OR2L13: variants seen among roughly 807,000 people sequenced by gnomAD.
OR2L13 encodes the protein olfactory receptor 2L13.
OR2L13 carries 14 observed loss-of-function variants against 15.3 expected under a neutral mutation model. The observed-to-expected ratio is 0.91, with a 90% CI of 0.60 to 1.43. The LOEUF (loss-of-function observed/expected upper bound fraction) is 1.43, where lower values mean the gene tolerates loss of function less well. Ranked by LOEUF, OR2L13 falls within the 40% of genes most tolerant of loss-of-function variation. The pLI is 0.00. For synonymous variants in OR2L13, 152 were observed against 142.9 expected (o/e 1.06, Z -0.45); for missense variants, 367 against 387.9 (o/e 0.95, Z 0.45).
the OR2L13 span, among the ~76,000 whole-genome samples, chr1:248,082,507 AG>A: frequency 7.6e-4 from 116 of 152,222 alleles, no homozygotes; most frequent in African/African-American, 2.7e-3. Flanking sequence ...ATAAAAAAAA[AG>A]AAAAAAACAT....
chr1:248,100,453 AAT>A (rs1664835548), exon 3 of OR2L13: 1 of 428,838 alleles, frequency 2.3e-6, no homozygotes, highest in Admixed American at 4.0e-5. Context: ...AAATTTAAAT[AAT>A]ATATTTAATT....
At chr1:247,969,654 A>G in the OR2L13 span, among the ~76,000 whole-genome samples, 926 of 152,342 alleles carry the variant, frequency 6.1e-3, 9 homozygotes, top group Non-Finnish European at 0.01. Flanking sequence ...GCCAGGATTA[A>G]ATATCTCCAG....
At chr1:248,044,933 A>G in the OR2L13 span, among the ~76,000 whole-genome samples, 8 of 150,792 alleles carry the variant, frequency 5.3e-5, no homozygotes, top group Non-Finnish European at 7.4e-5. Context: ...CTCTGCTGCA[A>G]CTCCCACTGT....
chr1:248,028,621 C>T, the OR2L13 span, among the ~76,000 whole-genome samples: 2 of 152,100 alleles, frequency 1.3e-5, no homozygotes, highest in Non-Finnish European at 2.9e-5. Context: ...AAGTTGTGGC[C>T]TACGATCTGC....
chr1:247,995,642 AT>A, the OR2L13 span, among the ~76,000 whole-genome samples: 1 of 152,200 alleles, frequency 6.6e-6, no homozygotes, highest in Non-Finnish European at 1.5e-5. Flanking sequence ...ACATATGTCT[AT>A]TTATGAAGAG....
At chr1:248,018,055 T>G in the OR2L13 span, among the ~76,000 whole-genome samples, 1 of 151,492 alleles carries the variant, frequency 6.6e-6, no homozygotes, top group Non-Finnish European at 1.5e-5. Context: ...CTTGGGAGGC[T>G]GAGGCAGGAG....
exon 3 of OR2L13, chr1:248,099,455 T>C (rs767987300): frequency 1.2e-6 from 2 of 1,613,974 alleles, no homozygotes; most frequent in Non-Finnish European, 8.5e-7. Flanking sequence ...ATATTTCTCT[T>C]GTGCCTTATC....
At chr1:247,949,737 A>G in the OR2L13 span, 1 of 1,613,702 alleles carries the variant, frequency 6.2e-7, no homozygotes, top group Non-Finnish European at 8.5e-7. Context: ...CCTGAGGAAC[A>G]AGGAGGTGAT....
chr1:248,079,581 A>G, the OR2L13 span, among the ~76,000 whole-genome samples: 14 of 152,210 alleles, frequency 9.2e-5, no homozygotes, highest in Admixed American at 2.6e-4. Flanking sequence ...AGAAATTAAT[A>G]TAATGTGGTA....
the OR2L13 span, among the ~76,000 whole-genome samples, chr1:247,958,334 G>C: frequency 6.6e-5 from 10 of 152,026 alleles, no homozygotes; most frequent in Admixed American, 3.9e-4. Flanking sequence ...TGTTCTTTTA[G>C]ATTTGCTGAG....
chr1:247,958,526 A>T, the OR2L13 span, among the ~76,000 whole-genome samples: 8 of 152,076 alleles, frequency 5.3e-5, no homozygotes, highest in Non-Finnish European at 8.8e-5. Context: ...TGATCTTTCT[A>T]ATGTTGACAG....
the OR2L13 span, among the ~76,000 whole-genome samples, chr1:248,018,824 C>T: frequency 2.0e-5 from 3 of 152,176 alleles, no homozygotes; most frequent in African/African-American, 4.8e-5. Context: ...CCCCGGTCCC[C>T]TGGGGTCCAG....
At chr1:247,987,913 T>C in the OR2L13 span, among the ~76,000 whole-genome samples, 40,797 of 152,060 alleles carry the variant, frequency 0.27, 9,431 homozygotes, top group African/African-American at 0.63. Flanking sequence ...AAAATATATA[T>C]TCTTGTAAAA....
the OR2L13 span, chr1:248,083,702 G>T: frequency 6.2e-7 from 1 of 1,610,764 alleles, no homozygotes; most frequent in Non-Finnish European, 8.5e-7. Flanking sequence ...ACCGTTTCAG[G>T]GCTTCCTTGA....
At chr1:247,949,501 G>A in the OR2L13 span, 1 of 1,613,754 alleles carries the variant, frequency 6.2e-7, no homozygotes, top group Non-Finnish European at 8.5e-7. Context: ...GGTATTTCAT[G>A]TTCCTATGGC....
At chr1:248,022,038 G>T in the OR2L13 span, 7 of 1,613,832 alleles carry the variant, frequency 4.3e-6, no homozygotes, top group Non-Finnish European at 4.2e-6. Context: ...CATTCTCTTT[G>T]TTCTCATTTT....
upstream of OR2L13, among the ~76,000 whole-genome samples, chr1:248,095,710 G>A (rs997651414): frequency 1.4e-5 from 2 of 143,020 alleles, no homozygotes; most frequent in Admixed American, 7.2e-5. Flanking sequence ...AGGTTCAAGT[G>A]ATTCTTCTGC....
chr1:247,939,890 C>G, the OR2L13 span, among the ~76,000 whole-genome samples: 1 of 152,128 alleles, frequency 6.6e-6, no homozygotes, highest in Non-Finnish European at 1.5e-5. Context: ...GCTTCCACCA[C>G]CCTCCCACTA....
chr1:248,038,351 C>A, the OR2L13 span: 1 of 1,613,164 alleles, frequency 6.2e-7, no homozygotes, highest in Non-Finnish European at 8.5e-7. Flanking sequence ...TCGTATTCAC[C>A]CTCATTTTTC....
Sources: allele counts gnomAD v4.1 joint callset (sites outside exome capture counted in the v4.1 genomes callset), GRCh38; gene constraint gnomAD v4.1.1; transcripts MANE v1.5; gene names NCBI Gene and HGNC (gene_info 2026-07-23, HGNC 2026-07-21).